Variants in UTP20 observed in about 807,000 individuals in gnomAD.
UTP20 encodes the protein small subunit processome component 20 homolog.
UTP20 carries 164 observed loss-of-function variants against 329.5 expected under a neutral mutation model. That is an observed-to-expected ratio of 0.50 (90% CI 0.44 to 0.57). The LOEUF is 0.57. UTP20 is among the 20% of genes least tolerant of loss of function. UTP20 has a pLI of 0.00. For synonymous variants in UTP20, 1,151 were observed against 1,159.3 expected (o/e 0.99, Z 0.14); for missense variants, 3,055 against 3,284.2 (o/e 0.93, Z 1.71).
In UTP20 at chr12:101,291,908, T is replaced by G. The variant is rs1872168482; in HGVS notation, c.1038+20T>G. 1 of 1,607,150 alleles carries G rather than the reference T, an allele frequency of 6.2e-7. No individual in the cohort carries two copies. Among genetic ancestry groups the G allele is most frequent in the African/African-American group, 1.3e-5 (1 of 74,526 alleles). ...TGTAAGGTGAGTTCCCAACTTAATA[T>G]GCTCGAGAGTCTGGTTTTTAAAAGC... On this transcript the variant is annotated intron_variant, in intron 9 of 61. Transcript: ENST00000261637.
intron 28 of UTP20, among the ~76,000 whole-genome samples, 167 bp from the exon 29 acceptor site, chr12:101,334,258 T>G (rs1868861964): frequency 6.6e-6 from 1 of 152,244 alleles, no homozygotes; most frequent in African/African-American, 2.4e-5. Context: ...TATGTAGATG[T>G]TCTTTTGGAT....
chr12:101,293,445 A>G lies in UTP20; in HGVS notation c.1251+200A>G, dbSNP rs972276915. ...TTTTAATAATCCTTTAGGTAGTTAC[A>G]GAACCGTGTGGTAAAATTGAAAAAA... On this transcript the variant is annotated intron_variant, in intron 11 of 61. Transcript: ENST00000261637. Among the ~76,000 whole-genome samples the G allele has an allele frequency of 4.8e-4, 73 of 152,234 alleles. 1 individual carries two copies. The highest frequency in any genetic ancestry group is 8.8e-5 in the Non-Finnish European group (6 of 68,044).
At chr12:101,362,495 G>A (rs1869960430) in intron 44 of UTP20, among the ~76,000 whole-genome samples, 1 of 151,982 alleles carries the variant, frequency 6.6e-6, no homozygotes, top group Admixed American at 6.6e-5. Flanking sequence ...CTTGAGTCCA[G>A]GAGTTTGAGA....
rs770475781 is a variant in UTP20 at position 101,285,889 on chromosome 12, G to C, written c.326+8G>C. 7.4e-6 allele frequency: 12 copies of C among 1,611,712 alleles called. No individual in the cohort carries two copies. The highest frequency in any genetic ancestry group is 1.1e-5 in the South Asian group (1 of 90,704). ...CTATCAACCCCTTTTGGAGTAAGTA[G>C]CATCTTGAGAGAAAGCTCACAACTA... On this transcript the variant is annotated splice_region_variant and intron_variant, in intron 4 of 61. Transcript: ENST00000261637.
Position 101,310,595 on chromosome 12 carries a change from A to AAAAAAAAAAAAAAAAAAAAAAAAAAAAG in UTP20, c.2231+759_2231+760insAAAAAAAAAAAAAAAAAAAAAAAAGAAA, listed in dbSNP as rs1330692306. On this transcript the variant is annotated intron_variant, in intron 19 of 61. Transcript: ENST00000261637. ...TGTCTCCCAAAAAAAAAAAAAAAAA[A>AAAAAAAAAAAAAAAAAAAAAAAAAAAAG]AAATACATGTTATGGCTCATGTGTA... 6.4e-4 allele frequency among the ~76,000 whole-genome samples: 78 copies of AAAAAAAAAAAAAAAAAAAAAAAAAAAAG among 121,714 alleles called. 3 individuals carry two copies. The highest frequency in any genetic ancestry group is 1.1e-3 in the Non-Finnish European group (56 of 49,766). The allele number at this position is 121,714 out of a possible 152,430, so 79.8% of individuals were successfully genotyped here. A position where few individuals can be genotyped will look rare whatever the true frequency, so the allele number is the denominator to read the frequency against.
intron 23 of UTP20, 28 bp from the exon 24 acceptor site, chr12:101,320,823 TC>T (rs1873125190): frequency 6.3e-7 from 1 of 1,580,342 alleles, no homozygotes; most frequent in Non-Finnish European, 8.6e-7. Context: ...ATATATGACT[TC>T]ATTAATTCTG....
rs183329071 is a variant in UTP20, at chr12:101,324,127, A to G, written c.3041+2498A>G. ...ACTCCAGCCTGGATGACAGAGCGAGACTCTGTCTCAAAAAAATAAAAAAAT... is the reference window on the plus strand; with the variant it reads ...ACTCCAGCCTGGATGACAGAGCGAGGCTCTGTCTCAAAAAAATAAAAAAAT... On this transcript the variant is annotated intron_variant, in intron 25 of 61. Transcript: ENST00000261637. Among the ~76,000 whole-genome samples the G allele has an allele frequency of 1.7e-3, 260 of 150,876 alleles. 1 individual carries two copies. Among genetic ancestry groups the G allele is most frequent in the Middle Eastern group, 0.01 (3 of 294 alleles).
intron 48 of UTP20, among the ~76,000 whole-genome samples, chr12:101,368,788 G>A (rs1304496041): frequency 6.6e-6 from 1 of 152,194 alleles, no homozygotes; most frequent in Non-Finnish European, 1.5e-5. Context: ...TCTAGGCTAT[G>A]AACCTAGGTG....
At chr12:101,358,777 A>G (rs1389240130) in intron 43 of UTP20, among the ~76,000 whole-genome samples, 1 of 152,120 alleles carries the variant, frequency 6.6e-6, no homozygotes, top group Non-Finnish European at 1.5e-5. Flanking sequence ...AACTGTTGTA[A>G]CAAGGTTGAG....
intron 28 of UTP20, among the ~76,000 whole-genome samples, 177 bp from the exon 29 acceptor site, chr12:101,334,248 T>C (rs184984973): frequency 1.3e-4 from 20 of 152,370 alleles, no homozygotes; most frequent in Non-Finnish European, 2.5e-4. Flanking sequence ...CCATTTTTCC[T>C]ATGTAGATGT....
chr12:101,314,575 G>A (rs555521190), intron 21 of UTP20, among the ~76,000 whole-genome samples: 3 of 151,052 alleles, frequency 2.0e-5, no homozygotes, highest in South Asian at 2.1e-4. Flanking sequence ...GGAGAATGGC[G>A]TGAACCCGGG....
intron 58 of UTP20, 78 bp downstream of exon 58, chr12:101,381,289 T>G (rs1870637669): frequency 1.5e-6 from 2 of 1,314,008 alleles, no homozygotes; most frequent in Non-Finnish European, 2.2e-6. Context: ...CCCAGCACTT[T>G]GAGAGGCCGA....
intron 15 of UTP20, among the ~76,000 whole-genome samples, chr12:101,305,611 T>TTA (rs34841818): frequency 0.02 from 2,847 of 144,524 alleles, 76 homozygotes; most frequent in African/African-American, 0.061. Flanking sequence ...ATAATAAATA[T>TTA]TATATATATA....
At chr12:101,385,812 G>C (rs2121076450) in intron 61 of UTP20, 84 bp downstream of exon 61, 3 of 1,533,504 alleles carry the variant, frequency 2.0e-6, no homozygotes, top group Admixed American at 2.4e-5. Flanking sequence ...CTTACACTTA[G>C]GGAGGATCAA....
Position 101,340,497 on chromosome 12 carries a change from T to C in UTP20, c.4014-26T>C, listed in dbSNP as rs374129876. 2.3e-5 allele frequency: 33 copies of C among 1,420,358 alleles called. No individual in the cohort carries two copies. The African/African-American group carries it at 4.3e-4, about 18-fold the overall frequency. The allele number at this position is 1,420,358 out of a possible 1,614,324, so 88.0% of individuals were successfully genotyped here. On this transcript the variant is annotated intron_variant, in intron 31 of 61. Transcript: ENST00000261637. ...GAGAAATATCCTTGTATATGTTCCT[T>C]ATATATCCGTTTTTTCCTTCTTTAG... is the stretch of plus-strand genomic sequence containing the variant.
chr12:101,343,624 C>T (rs1250778609), intron 35 of UTP20, among the ~76,000 whole-genome samples: 1 of 152,160 alleles, frequency 6.6e-6, no homozygotes, highest in Non-Finnish European at 1.5e-5. Context: ...ATTCTCCCAC[C>T]TCAGCCTCCC....
At position 101,346,553 on chromosome 12, in the gene UTP20, G is replaced by T. The variant is rs1029074136; in HGVS notation, c.4849G>T (p.Ala1617Ser). The change falls in exon 38 of 62, where the codon GCC becomes TCC. Residue 1617 changes from alanine (A) to serine (S), a missense_variant. Around this residue, in one of 3 missense-constraint regions of UTP20, gnomAD observed 2,445 missense variants for 2,575.5 expected, o/e 0.95. Transcript: ENST00000261637. Reference protein sequence around the residue: ...KSLQNYIMPYAMTPIFDEKML... With the variant: ...KSLQNYIMPYSMTPIFDEKML... ...TCTTCAGAATTACATCATGCCTTAT[G>T]CCATGACTCCAATTTTTGATGAGAA... The T allele has an allele frequency of 1.9e-6, 3 of 1,602,108 alleles. No individual in the cohort carries two copies. Among genetic ancestry groups the T allele is most frequent in the African/African-American group, 2.7e-5 (2 of 74,262 alleles).
chr12:101,347,077 A>G (rs1369880645), intron 38 of UTP20, among the ~76,000 whole-genome samples: 1 of 152,194 alleles, frequency 6.6e-6, no homozygotes, highest in Non-Finnish European at 1.5e-5. Flanking sequence ...CAGGAGAGTA[A>G]TCTGAGAAGA....
Position 101,285,738 on chromosome 12 carries a change from C to T in UTP20, c.194-11C>T, listed in dbSNP as rs1356021195. 4 of 1,603,744 alleles carry T rather than the reference C, an allele frequency of 2.5e-6. No homozygotes were observed. The highest frequency in any genetic ancestry group is 1.4e-5 in the African/African-American group (1 of 73,888). ...GATAGAAAAGAACATATTTTTTTTTCCCCCACTCAGGAAAATTTTACAAAG... is the reference window on the plus strand; with the variant it reads ...GATAGAAAAGAACATATTTTTTTTTTCCCCACTCAGGAAAATTTTACAAAG... On this transcript the variant is annotated splice_polypyrimidine_tract_variant and intron_variant, in intron 3 of 61. Coordinates refer to ENST00000261637, the MANE Select transcript of UTP20 (RefSeq NM_014503.3).
Sources: gnomAD v4.1 joint callset for allele counts (sites outside exome capture counted in the v4.1 genomes callset) on GRCh38, gnomAD v4.1.1 for gene constraint, gnomAD v4.1.1 regional missense constraint, MANE v1.5 for transcripts, NCBI Gene and HGNC (gene_info 2026-07-23, HGNC 2026-07-21) for gene names.